The following CLTC variants were observed in gnomAD, a reference collection of about 807,000 sequenced individuals.
CLTC encodes clathrin heavy chain, also known as clathrin heavy chain 1.
CLTC carries 16 observed loss-of-function variants against 195.8 expected under a neutral mutation model. The observed-to-expected ratio is 0.08, with a 90% CI of 0.06 to 0.12. The LOEUF is 0.12. CLTC is among the 10% of genes least tolerant of loss of function. The pLI, the probability that CLTC is intolerant of heterozygous loss-of-function variation, is 1.00. For synonymous variants in CLTC, 667 were observed against 689.4 expected (o/e 0.97, Z 0.51); for missense variants, 796 against 2,027.0 (o/e 0.39, Z 11.66).
intron 5 of CLTC, among the ~76,000 whole-genome samples, chr17:59,653,833 C>T (rs891902090): frequency 6.0e-5 from 9 of 150,708 alleles, no homozygotes; most frequent in East Asian, 2.0e-4. Context: ...AGTGCAGTGG[C>T]GCAATCTCAG....
chr17:59,624,743 A>G (rs1482410438), intron 1 of CLTC, among the ~76,000 whole-genome samples: 3 of 152,138 alleles, frequency 2.0e-5, no homozygotes, highest in African/African-American at 7.2e-5. Flanking sequence ...TGCTGGGATT[A>G]TAGGCATGAG....
At chr17:59,633,807 A>G (rs879359123) in intron 1 of CLTC, among the ~76,000 whole-genome samples, 2 of 152,212 alleles carry the variant, frequency 1.3e-5, no homozygotes, top group Non-Finnish European at 2.9e-5. Flanking sequence ...CTTGAATATT[A>G]AGGAGACTGT....
intron 1 of CLTC, among the ~76,000 whole-genome samples, chr17:59,632,794 G>T (rs1190511403): frequency 6.6e-6 from 1 of 152,186 alleles, no homozygotes; most frequent in East Asian, 1.9e-4. Context: ...GTCTTCACTT[G>T]TTTTTAGAAG....
At position 59,685,724 on chromosome 17, in the gene CLTC, C is replaced by A. The variant is rs1231646989; in HGVS notation, c.4743C>A (p.Val1581=). The change falls in exon 30 of 32, where the codon GTC becomes GTA. Residue 1581 remains valine, a synonymous_variant. Transcript: ENST00000269122. This position sits in a 1 kb window ranked among gnomAD's most constrained non-coding sequence, Gnocchi z 5.0. The stretch of plus-strand genomic sequence containing the variant: ...GTTACGATCTTTTAAGGCCAGATGT[C>A]GTCCTAGAAACTGCATGGAGGCACA... ...FTCYDLLRPD[V]VLETAWRHNI... The A allele has an allele frequency of 2.5e-6, 4 of 1,614,076 alleles. No individual in the cohort carries two copies. In the East Asian group the frequency reaches 6.7e-5, roughly 27 times the overall value.
rs777641449 is a variant in CLTC at position 59,673,745 on chromosome 17, A to G, written c.2391A>G (p.Gln797=). ...LVLYLYRNNL[Q]KYIEIYVQKV... is the part of the protein sequence containing the mutation. ...TCTATTTATATAGAAATAATCTTCA[A>G]AAGTATATAGAGATATATGTACAGA... is the stretch of plus-strand genomic sequence containing the variant. The change falls in exon 15 of 32, where the codon CAA becomes CAG. Residue 797 remains glutamine, a synonymous_variant. Transcript: ENST00000269122. 14 of 1,356,010 alleles carry G rather than the reference A, an allele frequency of 1.0e-5. No homozygotes were observed. The highest frequency in any genetic ancestry group is 1.5e-5 in the Non-Finnish European group (14 of 945,414). 84.0% of individuals were successfully genotyped at this position (1,356,010 alleles called of 1,614,324 possible). A position where few individuals can be genotyped will look rare whatever the true frequency, so the allele number is the denominator to read the frequency against.
chr17:59,634,502 A>C (rs2031809293), intron 1 of CLTC, among the ~76,000 whole-genome samples: 1 of 152,210 alleles, frequency 6.6e-6, no homozygotes, highest in South Asian at 2.1e-4. Flanking sequence ...GCAGTTGATT[A>C]CAAGTAGGAA....
chr17:59,650,483 CTTTTTTTTTTTT>C (rs35425747), intron 4 of CLTC, among the ~76,000 whole-genome samples: 1 of 116,850 alleles, frequency 8.6e-6, no homozygotes, highest in Non-Finnish European at 1.7e-5. Flanking sequence ...ATTCAGATGA[CTTTTTTTTTTTT>C]TTTTTTTTTT....
At chr17:59,676,811 A>G (rs1261908469) in intron 16 of CLTC, 143 bp from the exon 17 acceptor site, 3 of 652,516 alleles carry the variant, frequency 4.6e-6, no homozygotes, top group Non-Finnish European at 7.9e-6. Context: ...TTCAGCCTGG[A>G]CAATGTAGCA....
intron 1 of CLTC, among the ~76,000 whole-genome samples, chr17:59,621,876 T>G (rs1353692431): frequency 1.3e-5 from 2 of 152,182 alleles, no homozygotes; most frequent in Non-Finnish European, 2.9e-5. Context: ...CGCGGGCTTA[T>G]TTTCATATTA....
chr17:59,632,628 G>A (rs187194342), intron 1 of CLTC, among the ~76,000 whole-genome samples: 1 of 152,132 alleles, frequency 6.6e-6, no homozygotes, highest in Non-Finnish European at 1.5e-5. Context: ...ATGCGACAGA[G>A]CGAGACTCTG....
intron 1 of CLTC, among the ~76,000 whole-genome samples, chr17:59,620,836 CAG>C (rs1567919234): frequency 1.3e-5 from 2 of 152,074 alleles, no homozygotes. Flanking sequence ...ATGTCAATCT[CAG>C]AGTGTGTGCG....
At chr17:59,635,736 A>C (rs1163202849) in intron 1 of CLTC, among the ~76,000 whole-genome samples, 1 of 152,198 alleles carries the variant, frequency 6.6e-6, no homozygotes, top group Admixed American at 6.5e-5. Context: ...CAATATTTTC[A>C]TAGTTTGATC....
chr17:59,667,634 A>G (rs2143558563), intron 13 of CLTC, among the ~76,000 whole-genome samples: 1 of 152,308 alleles, frequency 6.6e-6, no homozygotes, highest in Admixed American at 6.5e-5. Context: ...ATCATTGTAG[A>G]GGGGTGTTCC....
rs1246211253 is a variant in CLTC at position 59,648,595 on chromosome 17, G to A, written c.681+194G>A. 1.8e-6 allele frequency: 1 copy of A among 542,942 alleles called. No individual in the cohort carries two copies. The highest frequency in any genetic ancestry group is 3.3e-6 in the Non-Finnish European group (1 of 306,654). The allele number at this position is 542,942 out of a possible 1,614,324, so 33.6% of individuals were successfully genotyped here. A position where few individuals can be genotyped will look rare whatever the true frequency, so the allele number is the denominator to read the frequency against. ...AATGAATAATGTTCTTTCACAACTC[G>A]TTCTGTTGGCTGTTTATATTCTTTG... On this transcript the variant is annotated intron_variant, in intron 4 of 31. Transcript: ENST00000269122. This position sits in a 1 kb window ranked among gnomAD's most constrained non-coding sequence, Gnocchi z 4.5.
intron 1 of CLTC, among the ~76,000 whole-genome samples, chr17:59,639,404 A>C (rs2031964555): frequency 6.6e-6 from 1 of 152,180 alleles, no homozygotes; most frequent in African/African-American, 2.4e-5. Flanking sequence ...TATTGACTCC[A>C]TATTCTTATA....
chr17:59,643,049 T>G (rs1598210794), intron 1 of CLTC, among the ~76,000 whole-genome samples: 1 of 151,998 alleles, frequency 6.6e-6, no homozygotes, highest in East Asian at 1.9e-4. Flanking sequence ...AGTGGTGGTG[T>G]TTGTGGAGGA....
At chr17:59,677,240 T>A (rs1379649539) in intron 17 of CLTC, 52 bp downstream of exon 17, 1 of 1,380,078 alleles carries the variant, frequency 7.2e-7, no homozygotes, top group Admixed American at 1.8e-5. Context: ...AAAAACCTGT[T>A]ACATGAGAGT....
chr17:59,689,165 A>C (rs1375429065), intron 30 of CLTC: 1 of 152,202 alleles, frequency 6.6e-6, no homozygotes, highest in Non-Finnish European at 1.5e-5. Context: ...CCTAGGCTAG[A>C]AATTAAACCA....
chr17:59,636,710 C>T (rs1032834396), intron 1 of CLTC, among the ~76,000 whole-genome samples: 1 of 152,108 alleles, frequency 6.6e-6, no homozygotes, highest in African/African-American at 2.4e-5. Flanking sequence ...GTCAGGCTAT[C>T]ATATTTTACC....
Sources: allele counts gnomAD v4.1 joint callset (sites outside exome capture counted in the v4.1 genomes callset), GRCh38; gene constraint gnomAD v4.1.1; non-coding constraint Gnocchi (gnomAD v3.1); transcripts MANE v1.5; gene names NCBI Gene and HGNC (gene_info 2026-07-23, HGNC 2026-07-21).